RASGRP3: variants seen among roughly 807,000 people sequenced by gnomAD.
RASGRP3 encodes the protein RAS guanyl releasing protein 3, also known as ras guanyl-releasing protein 3.
Under a neutral mutation model 82.7 loss-of-function variants are expected in RASGRP3, and 54 were observed. The ratio of observed to expected loss-of-function variants is 0.65; its 90% CI spans 0.52 to 0.82. The LOEUF (loss-of-function observed/expected upper bound fraction) is 0.82. RASGRP3 is among the 40% of genes least tolerant of loss of function. The probability of loss-of-function intolerance (pLI) is 0.00; values close to 1 mark genes in which losing one functional copy is unlikely to be tolerated. For synonymous variants in RASGRP3, 309 were observed against 300.5 expected, an observed-to-expected ratio of 1.03 and a Z score of -0.29; for missense variants, 861 against 828.9, an observed-to-expected ratio of 1.04 and a Z score of -0.48.
intron 7 of RASGRP3, among the ~76,000 whole-genome samples, chr2:33,522,309 C>T (rs1367929440): frequency 2.0e-5 from 3 of 152,104 alleles, no homozygotes; most frequent in South Asian, 2.1e-4. Flanking sequence ...ATATTTCTGT[C>T]GCTATTTTCA....
At chr2:33,518,912 G>C (rs79554599) in intron 4 of RASGRP3, among the ~76,000 whole-genome samples, 7,046 of 152,138 alleles carry the variant, frequency 0.046, 219 homozygotes, top group South Asian at 0.12. Flanking sequence ...CCTTCTTCTG[G>C]AATAGGTCCT....
intron 2 of RASGRP3, 50 bp from the exon 3 acceptor site, chr2:33,514,960 G>T (rs1268797936): frequency 3.3e-6 from 2 of 603,814 alleles, no homozygotes; most frequent in South Asian, 4.1e-5. Context: ...TGCTCTAGTG[G>T]GGTCTGAACT....
chr2:33,480,176 G>A (rs1262492724), intron 1 of RASGRP3, among the ~76,000 whole-genome samples: 1 of 151,510 alleles, frequency 6.6e-6, no homozygotes, highest in Non-Finnish European at 1.5e-5. Context: ...CTGAGTAGCT[G>A]GGACTACAGG....
At chr2:33,545,959 C>T (rs201187056) in intron 13 of RASGRP3, among the ~76,000 whole-genome samples, 7 of 151,960 alleles carry the variant, frequency 4.6e-5, no homozygotes, top group Admixed American at 6.6e-5. Flanking sequence ...TGCACCACCA[C>T]GCCAGGCAAT....
intron 1 of RASGRP3, among the ~76,000 whole-genome samples, chr2:33,498,728 G>A (rs561050865): frequency 1.3e-5 from 2 of 151,960 alleles, no homozygotes; most frequent in South Asian, 2.1e-4. Flanking sequence ...CTGCTTGTGC[G>A]GCTAGGCACA....
intron 1 of RASGRP3, among the ~76,000 whole-genome samples, chr2:33,504,996 T>G (rs754000607): frequency 2.6e-5 from 4 of 152,286 alleles, no homozygotes; most frequent in African/African-American, 4.8e-5. Flanking sequence ...AAAGCAAGAT[T>G]TAGCCACATT....
intron 10 of RASGRP3, among the ~76,000 whole-genome samples, chr2:33,529,388 G>T (rs1672881948): frequency 6.8e-6 from 1 of 147,844 alleles, no homozygotes; most frequent in Non-Finnish European, 1.5e-5. Context: ...CCAGCTATTT[G>T]GGAGGCTGAG....
chr2:33,524,526 A>G lies in RASGRP3; in HGVS notation c.785A>G (p.His262Arg), dbSNP rs778017498. 6.3e-7 allele frequency: 1 copy of G among 1,596,920 alleles called. No individual in the cohort carries two copies. Among genetic ancestry groups the G allele is most frequent in the South Asian group, 1.1e-5 (1 of 87,800 alleles). Residue 262 changes from histidine to arginine, a missense_variant, in exon 9 of 18, where the codon CAT becomes CGT. His to Arg is a conservative substitution (Grantham distance 29, BLOSUM62 0). Transcript: ENST00000403687. Reference protein sequence around the residue: ...SISRLKETHSHLSSEVTKNWN... With the variant: ...SISRLKETHSRLSSEVTKNWN... Reference sequence around the variant, plus strand: ...TCACGCCTCAAAGAGACCCATTCTCATCTTTCTTCAGAAGTTACAAAGGTA... The same window carrying G: ...TCACGCCTCAAAGAGACCCATTCTCGTCTTTCTTCAGAAGTTACAAAGGTA...
chr2:33,480,245 G>A (rs1389750821), intron 1 of RASGRP3, among the ~76,000 whole-genome samples: 1 of 152,024 alleles, frequency 6.6e-6, no homozygotes, highest in African/African-American at 2.4e-5. Flanking sequence ...GGGTTTCACT[G>A]TGTTAGCCAG....
intron 1 of RASGRP3, among the ~76,000 whole-genome samples, chr2:33,494,592 A>G (rs976183099): frequency 1.3e-5 from 2 of 152,218 alleles, no homozygotes; most frequent in Non-Finnish European, 2.9e-5. Context: ...GAAGTGGGAG[A>G]GAGTGAAACT....
chr2:33,455,777 G>T (rs1666005043), intron 2 of RASGRP3, among the ~76,000 whole-genome samples: 1 of 152,192 alleles, frequency 6.6e-6, no homozygotes. Context: ...GCCTGGTTTA[G>T]TTCAAATTCC....
At chr2:33,480,923 G>A (rs187218199) in intron 1 of RASGRP3, among the ~76,000 whole-genome samples, 26 of 151,808 alleles carry the variant, frequency 1.7e-4, no homozygotes, top group African/African-American at 5.5e-4. Context: ...CTTTGGTATT[G>A]AGAAGTCGAA....
At chr2:33,457,310 A>G (rs1219918758) in intron 2 of RASGRP3, among the ~76,000 whole-genome samples, 1 of 152,118 alleles carries the variant, frequency 6.6e-6, no homozygotes, top group Non-Finnish European at 1.5e-5. Context: ...AAAACCTGGA[A>G]CCCTCTTTTT....
chr2:33,512,173 G>A (rs886695027), intron 2 of RASGRP3, among the ~76,000 whole-genome samples: 1 of 152,168 alleles, frequency 6.6e-6, no homozygotes, highest in Non-Finnish European at 1.5e-5. Context: ...TAACCTGATA[G>A]CCCGGCCCAC....
intron 12 of RASGRP3, chr2:33,539,997 AAAAGAAAAG>A (rs1276157613): frequency 4.3e-4 from 13 of 30,238 alleles, no homozygotes; most frequent in South Asian, 8.1e-4. Flanking sequence ...GAAAAAAAAA[AAAAGAAAAG>A]AAAAGAAAAG....
At chr2:33,522,602 CT>C (rs767377414) in intron 7 of RASGRP3, among the ~76,000 whole-genome samples, 1 of 152,170 alleles carries the variant, frequency 6.6e-6, no homozygotes, top group Non-Finnish European at 1.5e-5. Flanking sequence ...TCCTACTCAT[CT>C]TGATGGAGCC....
At chr2:33,502,501 C>CT (rs3083004) in intron 1 of RASGRP3, among the ~76,000 whole-genome samples, 31,754 of 135,604 alleles carry the variant, frequency 0.23, 4,969 homozygotes, top group African/African-American at 0.44. Flanking sequence ...TTTTTTCTTT[C>CT]TTTTTTTTTT....
At chr2:33,541,340 C>T (rs1201841597) in intron 12 of RASGRP3, among the ~76,000 whole-genome samples, 1 of 147,014 alleles carries the variant, frequency 6.8e-6, no homozygotes, top group Non-Finnish European at 1.5e-5. Context: ...TCTATCTCTA[C>T]ATATGTATAA....
chr2:33,466,392 G>C (rs965889485), intron 2 of RASGRP3, among the ~76,000 whole-genome samples: 1 of 152,160 alleles, frequency 6.6e-6, no homozygotes, highest in Non-Finnish European at 1.5e-5. Flanking sequence ...GATTTCAGCG[G>C]AGGGGGCTGG....
Sources: gnomAD v4.1 joint callset for allele counts (sites outside exome capture counted in the v4.1 genomes callset) on GRCh38, gnomAD v4.1.1 for gene constraint, MANE v1.5 for transcripts, NCBI Gene and HGNC (gene_info 2026-07-23, HGNC 2026-07-21) for gene names.